The following UGDH variants were observed in gnomAD, a reference collection of about 807,000 sequenced individuals.
The protein encoded by UGDH is UDP-Glc dehydrogenase.
Under a neutral mutation model 50.6 loss-of-function variants are expected in UGDH, and 38 were observed. The observed-to-expected ratio is 0.75, with a 90% CI of 0.58 to 0.98. UGDH has a LOEUF of 0.98. Ranked by LOEUF, UGDH falls within the 50% of genes least tolerant of loss-of-function variation. The pLI, the probability that UGDH is intolerant of heterozygous loss-of-function variation, is 0.00. For synonymous variants in UGDH, 168 were observed against 199.9 expected (o/e 0.84, Z 1.35); for missense variants, 465 against 606.2 (o/e 0.77, Z 2.45).
intron 1 of UGDH, among the ~76,000 whole-genome samples, chr4:39,523,334 G>A (rs913011011): frequency 2.0e-5 from 3 of 151,900 alleles, no homozygotes; most frequent in Non-Finnish European, 2.9e-5. Flanking sequence ...TTACAGGCAC[G>A]AGCCACTGTG....
chr4:39,522,855 T>C (rs1746722708), intron 1 of UGDH, among the ~76,000 whole-genome samples: 1 of 151,642 alleles, frequency 6.6e-6, no homozygotes, highest in Non-Finnish European at 1.5e-5. Flanking sequence ...CTCCGTCTCC[T>C]GGGTTCAAGC....
At chr4:39,513,392 T>A (rs1217845257) in intron 3 of UGDH, among the ~76,000 whole-genome samples, 1 of 152,188 alleles carries the variant, frequency 6.6e-6, no homozygotes, top group African/African-American at 2.4e-5. Flanking sequence ...AAAATTCATT[T>A]AGAGAGGAGA....
intron 11 of UGDH, among the ~76,000 whole-genome samples, chr4:39,502,046 T>C (rs1408113105): frequency 6.6e-6 from 1 of 152,108 alleles, no homozygotes; most frequent in South Asian, 2.1e-4. Context: ...CCATTCCTGT[T>C]TTTTTTTAAT....
intron 1 of UGDH, among the ~76,000 whole-genome samples, chr4:39,522,888 G>A (rs1296316714): frequency 1.3e-5 from 2 of 151,076 alleles, no homozygotes; most frequent in African/African-American, 2.4e-5. Flanking sequence ...TCAGCCTAAC[G>A]AGTAGCTGGG....
At chr4:39,502,373 A>G (rs1011323928) in intron 11 of UGDH, among the ~76,000 whole-genome samples, 18 of 152,222 alleles carry the variant, frequency 1.2e-4, no homozygotes, top group African/African-American at 3.9e-4. Flanking sequence ...AATTCTAAAT[A>G]AGGACCTTCA....
At chr4:39,507,174 A>G (rs1746061716) in intron 7 of UGDH, among the ~76,000 whole-genome samples, 1 of 152,198 alleles carries the variant, frequency 6.6e-6, no homozygotes, top group South Asian at 2.1e-4. Flanking sequence ...AATAAAGAGG[A>G]TAATGTTAGT....
At chr4:39,502,905 CCTGA>C (rs1745877628) in intron 11 of UGDH, among the ~76,000 whole-genome samples, 1 of 151,970 alleles carries the variant, frequency 6.6e-6, no homozygotes, top group South Asian at 2.1e-4. Flanking sequence ...GGCCACCAAG[CCTGA>C]CTAATTTTTA....
chr4:39,508,342 T>C (rs1746105967), intron 7 of UGDH, among the ~76,000 whole-genome samples: 1 of 152,156 alleles, frequency 6.6e-6, no homozygotes, highest in African/African-American at 2.4e-5. Flanking sequence ...CAAGTGATCC[T>C]CCCACCTCAG....
At position 39,500,124 on chromosome 4, in the gene UGDH, CA is replaced by C; in HGVS notation, c.*18del. On this transcript the variant is annotated 3_prime_UTR_variant, in exon 12 of 12. Coordinates refer to ENST00000316423, the MANE Select transcript of UGDH (RefSeq NM_003359.4). ...TACCAAAAAAAAAAAAAAAAAATCA[CA>C]AATAAAAATGGCAATCTCTACACTT... 1 of 1,192,722 alleles carries C rather than the reference CA, an allele frequency of 8.4e-7. No individual in the cohort carries two copies. Among genetic ancestry groups the C allele is most frequent in the South Asian group, 2.1e-5 (1 of 47,628 alleles). The allele number at this position is 1,192,722 out of a possible 1,614,324, so 73.9% of individuals were successfully genotyped here. A position where few individuals can be genotyped will look rare whatever the true frequency, so the allele number is the denominator to read the frequency against.
chr4:39,509,319 C>CAGTA (rs1746141700), intron 6 of UGDH, among the ~76,000 whole-genome samples: 1 of 152,110 alleles, frequency 6.6e-6, no homozygotes, highest in East Asian at 1.9e-4. Flanking sequence ...AAGGGCCAGA[C>CAGTA]AGTAAGTATT....
chr4:39,517,007 A>G (rs914181184), intron 2 of UGDH, among the ~76,000 whole-genome samples: 2 of 152,180 alleles, frequency 1.3e-5, no homozygotes, highest in African/African-American at 4.8e-5. Context: ...ATGCAGAAGC[A>G]GTTAATAATA....
chr4:39,501,590 T>A (rs1158589387), intron 11 of UGDH, among the ~76,000 whole-genome samples: 2 of 152,190 alleles, frequency 1.3e-5, no homozygotes. Flanking sequence ...TTCTTAAGAA[T>A]TCAGACTTCA....
intron 3 of UGDH, among the ~76,000 whole-genome samples, chr4:39,511,601 C>T (rs1273426030): frequency 4.0e-5 from 6 of 151,740 alleles, no homozygotes; most frequent in South Asian, 4.1e-4. Context: ...CCTATATCAA[C>T]AGTCTTTTAA....
At chr4:39,520,477 A>G (rs745493204) in intron 2 of UGDH, among the ~76,000 whole-genome samples, 8 of 148,928 alleles carry the variant, frequency 5.4e-5, no homozygotes, top group Non-Finnish European at 8.8e-5. Flanking sequence ...AACTCATTTT[A>G]CAGTGAAATA....
intron 2 of UGDH, among the ~76,000 whole-genome samples, chr4:39,517,272 G>A (rs189847527): frequency 2.0e-5 from 3 of 150,002 alleles, no homozygotes; most frequent in African/African-American, 7.3e-5. Context: ...GCGCGATCTC[G>A]GCTCACTGCA....
chr4:39,519,941 T>G (rs890398268), intron 2 of UGDH, among the ~76,000 whole-genome samples: 3 of 152,228 alleles, frequency 2.0e-5, no homozygotes, highest in African/African-American at 7.2e-5. Context: ...TATCTTATAT[T>G]CCTATAGATA....
Position 39,503,970 on chromosome 4 carries a change from G to T in UGDH, c.1279C>A (p.Arg427Ser), listed in dbSNP as rs148161041. Residue 427 changes from arginine (R) to serine (S), a missense_variant, in exon 11 of 12, where the codon CGC (arginine) becomes AGC (serine). Arg to Ser is a moderately radical substitution (Grantham distance 110). Transcript: ENST00000316423. ...WDMFKELDYERIHKKMLKPAF... is the reference protein window; with the variant it reads ...WDMFKELDYESIHKKMLKPAF... ...GGCTTTAGCATTTTTTTATGAATGC[G>T]TTCATAATCCAATTCCTGTAAAGAC... 2 of 1,613,616 alleles carry T rather than the reference G, an allele frequency of 1.2e-6. No individual in the cohort carries two copies. Among genetic ancestry groups the T allele is most frequent in the Non-Finnish European group, 1.7e-6 (2 of 1,179,606 alleles).
At chr4:39,508,315 C>G (rs906768565) in intron 7 of UGDH, among the ~76,000 whole-genome samples, 1 of 152,134 alleles carries the variant, frequency 6.6e-6, no homozygotes, top group Non-Finnish European at 1.5e-5. Flanking sequence ...GTCACTGGAG[C>G]CTCCAACTCC....
At position 39,507,326 on chromosome 4, in the gene UGDH, T is replaced by C. The variant is rs1339022217; in HGVS notation, c.906+1240A>G. ...GAAGGGGTTTCTAATTTTAGCTCTG[T>C]GAGTCTGAAAGGTCCAAAACAAATA... On this transcript the variant is annotated intron_variant, in intron 7 of 11. Transcript: ENST00000316423. Among the ~76,000 whole-genome samples the C allele has an allele frequency of 2.6e-5, 4 of 152,220 alleles. No homozygotes were observed. In the South Asian group the frequency reaches 6.2e-4, roughly 24 times the overall value.
Sources: gnomAD v4.1 joint callset for allele counts (sites outside exome capture counted in the v4.1 genomes callset) on GRCh38, gnomAD v4.1.1 for gene constraint, MANE v1.5 for transcripts, NCBI Gene and HGNC (gene_info 2026-07-23, HGNC 2026-07-21) for gene names.